Variants in CDH13 observed in about 807,000 individuals in gnomAD.
CDH13 encodes cadherin 13.
A neutral mutation model predicts 63.8 loss-of-function variants in CDH13; 24 were observed. That is an observed-to-expected ratio of 0.38 (90% CI 0.27 to 0.53). CDH13 has a LOEUF of 0.53. Ranked by LOEUF, CDH13 falls within the 20% of genes least tolerant of loss-of-function variation. CDH13 has a pLI of 0.85. For missense variants in CDH13, 1,049 were observed against 903.1 expected, an observed-to-expected ratio of 1.16 and a Z score of -2.07; for synonymous variants, 503 against 355.3, an observed-to-expected ratio of 1.42 and a Z score of -4.67.
In CDH13 at chr16:83,595,495, G is replaced by A. The variant is rs375185811; in HGVS notation, c.961-6959G>A. On this transcript the variant is annotated intron_variant, in intron 7 of 13. Transcript: ENST00000567109. ...ACACATAGCCTTCATATTAAACAAG[G>A]TAAGCTAAGCACAGTCATAAGCAGC... Among the ~76,000 whole-genome samples the A allele has an allele frequency of 6.6e-5, 10 of 152,148 alleles. No individual in the cohort carries two copies. The East Asian group carries it at 9.6e-4, about 15-fold the overall frequency.
chr16:82,887,726 C>T (rs2040940576), intron 2 of CDH13, among the ~76,000 whole-genome samples: 1 of 152,072 alleles, frequency 6.6e-6, no homozygotes, highest in South Asian at 2.1e-4. Context: ...GAGTCTGAGG[C>T]AGGAGAATTG....
At chr16:83,146,921 C>G (rs1429068282) in intron 4 of CDH13, among the ~76,000 whole-genome samples, 1 of 152,106 alleles carries the variant, frequency 6.6e-6, no homozygotes, top group Non-Finnish European at 1.5e-5. Flanking sequence ...AACCCTGTCT[C>G]TACTAAAAAT....
At chr16:83,187,969 G>A (rs1045298747) in intron 4 of CDH13, among the ~76,000 whole-genome samples, 15 of 152,146 alleles carry the variant, frequency 9.9e-5, no homozygotes, top group African/African-American at 3.4e-4. Flanking sequence ...AACTATGAGT[G>A]CAAAAGCTGG....
intron 7 of CDH13, among the ~76,000 whole-genome samples, chr16:83,503,596 G>A (rs964588591): frequency 6.6e-6 from 1 of 151,984 alleles, no homozygotes; most frequent in African/African-American, 2.4e-5. Flanking sequence ...GGGCAGGGAG[G>A]CTCCTAGCCC....
chr16:82,910,162 T>A (rs996998881), intron 2 of CDH13, among the ~76,000 whole-genome samples: 4 of 152,226 alleles, frequency 2.6e-5, no homozygotes, highest in African/African-American at 9.6e-5. Flanking sequence ...CTCATCAGAA[T>A]CCTGCTGCTG....
chr16:83,045,297 G>T (rs1266097628), intron 3 of CDH13, among the ~76,000 whole-genome samples: 1 of 152,124 alleles, frequency 6.6e-6, no homozygotes, highest in African/African-American at 2.4e-5. Flanking sequence ...GAATCTCATG[G>T]AAATAGCATG....
intron 1 of CDH13, among the ~76,000 whole-genome samples, chr16:82,711,321 C>G (rs1393404178): frequency 6.6e-6 from 1 of 152,246 alleles, no homozygotes; most frequent in Non-Finnish European, 1.5e-5. Flanking sequence ...TCCAGTGATC[C>G]TGCAGGACCC....
intron 1 of CDH13, among the ~76,000 whole-genome samples, chr16:82,712,239 A>G (rs554310685): frequency 1.3e-5 from 2 of 152,264 alleles, no homozygotes; most frequent in East Asian, 3.9e-4. Context: ...AATCTTCATT[A>G]ATTTATTTTA....
At chr16:83,720,181 A>C (rs1909498424) in intron 10 of CDH13, among the ~76,000 whole-genome samples, 1 of 150,728 alleles carries the variant, frequency 6.6e-6, no homozygotes, top group Non-Finnish European at 1.5e-5. Context: ...GTACATACGT[A>C]CACACACACA....
chr16:82,969,631 C>T (rs899685604), intron 2 of CDH13, among the ~76,000 whole-genome samples: 1 of 152,122 alleles, frequency 6.6e-6, no homozygotes, highest in Non-Finnish European at 1.5e-5. Context: ...AGAATGTTAG[C>T]AGCATGCCTG....
chr16:82,983,225 C>G (rs766217714), intron 2 of CDH13, among the ~76,000 whole-genome samples: 2 of 152,136 alleles, frequency 1.3e-5, no homozygotes. Flanking sequence ...GCAGAGAAGT[C>G]CAGAACACTT....
At chr16:83,527,897 A>G (rs576178201) in intron 7 of CDH13, among the ~76,000 whole-genome samples, 90 of 152,358 alleles carry the variant, frequency 5.9e-4, no homozygotes, top group South Asian at 2.3e-3. Context: ...ATGTTAATTT[A>G]TTACTTAAGT....
intron 8 of CDH13, among the ~76,000 whole-genome samples, chr16:83,665,148 T>G (rs997693386): frequency 6.6e-6 from 1 of 151,446 alleles, no homozygotes; most frequent in African/African-American, 2.4e-5. Flanking sequence ...TGAGCAAGTG[T>G]GTGAGTGCCA....
At chr16:83,534,159 A>G (rs2151636771) in intron 7 of CDH13, among the ~76,000 whole-genome samples, 1 of 152,178 alleles carries the variant, frequency 6.6e-6, no homozygotes, top group South Asian at 2.1e-4. Context: ...GTAATCATCT[A>G]CTTTCTGTCT....
intron 1 of CDH13, among the ~76,000 whole-genome samples, chr16:82,640,632 C>T (rs1232361203): frequency 1.3e-5 from 2 of 152,168 alleles, no homozygotes; most frequent in African/African-American, 2.4e-5. Flanking sequence ...CCAGTAGCTG[C>T]CTTACCAGTT....
At chr16:83,089,754 G>A (rs1033389662) in intron 3 of CDH13, among the ~76,000 whole-genome samples, 3 of 152,184 alleles carry the variant, frequency 2.0e-5, no homozygotes, top group African/African-American at 7.2e-5. Context: ...CGTCGGAAAT[G>A]GGATCTAAGT....
intron 1 of CDH13, among the ~76,000 whole-genome samples, chr16:82,657,150 T>G (rs534409665): frequency 6.6e-6 from 1 of 151,280 alleles, no homozygotes; most frequent in Non-Finnish European, 1.5e-5. Context: ...AAACTATGGA[T>G]TGTACCAAGC....
chr16:83,304,542 C>G (rs1227714624), intron 5 of CDH13, among the ~76,000 whole-genome samples: 1 of 152,006 alleles, frequency 6.6e-6, no homozygotes, highest in Non-Finnish European at 1.5e-5. Flanking sequence ...GTAGTTAATA[C>G]AGAATGACTA....
At chr16:83,620,606 T>A (rs946949242) in intron 8 of CDH13, among the ~76,000 whole-genome samples, 4 of 152,024 alleles carry the variant, frequency 2.6e-5, no homozygotes, top group Non-Finnish European at 4.4e-5. Flanking sequence ...TGTAGTAAGT[T>A]TCAAGCTTAG....
Sources: allele counts gnomAD v4.1 joint callset (sites outside exome capture counted in the v4.1 genomes callset), GRCh38; gene constraint gnomAD v4.1.1; transcripts MANE v1.5; gene names NCBI Gene and HGNC (gene_info 2026-07-23, HGNC 2026-07-21).